Variants in STS observed in about 807,000 individuals in gnomAD.
The protein encoded by STS is steroid sulfatase.
A neutral mutation model predicts 26.8 loss-of-function variants in STS; 7 were observed. That is an observed-to-expected ratio of 0.26 (90% confidence interval 0.15 to 0.49). The LOEUF is 0.49. Among genes scored for constraint, STS ranks in the 20% least tolerant of loss-of-function variants. The pLI, the probability that STS is intolerant of heterozygous loss-of-function variation, is 0.98. For missense variants in STS, 434 were observed against 465.6 expected, an observed-to-expected ratio of 0.93 and a Z score of 0.63; for synonymous variants, 199 against 189.4, an observed-to-expected ratio of 1.05 and a Z score of -0.42.
At chrX:7,347,741 G>A (rs1479295573) in intron 10 of STS, among the ~76,000 whole-genome samples, 4 of 111,883 alleles carry the variant, frequency 3.6e-5, no homozygotes, top group Non-Finnish European at 7.5e-5. Context: ...GCATGAGCAA[G>A]AGAGGCTTCC....
intron 1 of STS, among the ~76,000 whole-genome samples, chrX:7,163,367 G>T (rs1475315510): frequency 5.3e-5 from 6 of 112,794 alleles, no homozygotes; most frequent in Non-Finnish European, 1.1e-4. Flanking sequence ...CACAGAAGAG[G>T]TGTGGAGATC....
chrX:7,299,417 T>G (rs1601724350), intron 7 of STS, among the ~76,000 whole-genome samples: 1 of 102,677 alleles, frequency 9.7e-6, no homozygotes, highest in Non-Finnish European at 1.9e-5. Flanking sequence ...ATATATAATT[T>G]TATATATGTG....
chrX:7,195,187 G>A (rs1403127423), intron 2 of STS, among the ~76,000 whole-genome samples: 2 of 111,956 alleles, frequency 1.8e-5, no homozygotes, highest in South Asian at 3.7e-4. Flanking sequence ...TATTCAGCAC[G>A]TGGGAGATTT....
At chrX:7,207,920 C>G (rs1213474083) in intron 2 of STS, among the ~76,000 whole-genome samples, 2 of 111,752 alleles carry the variant, frequency 1.8e-5, no homozygotes, top group Non-Finnish European at 3.8e-5. Context: ...CTGTTGTACT[C>G]TGCTTTAGGA....
At chrX:7,256,369 G>A (rs1923408640) in intron 3 of STS, among the ~76,000 whole-genome samples, 1 of 111,905 alleles carries the variant, frequency 8.9e-6, no homozygotes. Context: ...GGTATGTGGG[G>A]GTCGCAGCAT....
chrX:7,228,935 G>A (rs1904904660), intron 2 of STS, among the ~76,000 whole-genome samples: 1 of 111,807 alleles, frequency 8.9e-6, no homozygotes, highest in Non-Finnish European at 1.9e-5. Flanking sequence ...CATCTATTTT[G>A]TTTTATAGCT....
intron 2 of STS, among the ~76,000 whole-genome samples, chrX:7,237,525 G>A (rs1274932598): frequency 8.9e-6 from 1 of 112,066 alleles, no homozygotes; most frequent in East Asian, 2.8e-4. Context: ...TAACAATATT[G>A]CAAGAATAAT....
intron 6 of STS, among the ~76,000 whole-genome samples, chrX:7,264,436 C>G (rs757707943): frequency 2.8e-4 from 31 of 112,654 alleles, no homozygotes; most frequent in Non-Finnish European, 4.5e-4. Context: ...TGACCACCTG[C>G]CTCCTGGGCA....
chrX:7,168,157 A>G (rs1298814455), intron 1 of STS, among the ~76,000 whole-genome samples: 4 of 111,332 alleles, frequency 3.6e-5, no homozygotes, highest in Non-Finnish European at 7.5e-5. Context: ...CAACAATACA[A>G]AGTTGTGAGT....
Position 7,319,966 on chromosome X carries a change from TTTTATATATATGTATATATA to T in STS, c.1082-5361_1082-5342del, listed in dbSNP as rs1264271897. Among the ~76,000 whole-genome samples, 6 of 90,712 alleles carry T rather than the reference TTTTATATATATGTATATATA, an allele frequency of 6.6e-5. No homozygotes were observed. In the South Asian group the frequency reaches 1.7e-3, roughly 26 times the overall value. The allele number at this position is 90,712 out of a possible 115,157, so 78.8% of individuals were successfully genotyped here. A position where few individuals can be genotyped will look rare whatever the true frequency, so the allele number is the denominator to read the frequency against. ...TTTTATATGTATATTTATATATATA[TTTTATATATATGTATATATA>T]TTTATATATATATTTTTATATATAT... On this transcript the variant is annotated intron_variant, in intron 8 of 10. Transcript: ENST00000674429.
At chrX:7,211,574 G>A (rs1987078) in intron 2 of STS, among the ~76,000 whole-genome samples, 39,824 of 110,835 alleles carry the variant, frequency 0.36, 5,287 homozygotes, top group East Asian at 0.4. Flanking sequence ...CTACTCCCAC[G>A]AATTTTTCTG....
chrX:7,255,563 A>G (rs1350974023), intron 3 of STS, among the ~76,000 whole-genome samples: 1 of 112,050 alleles, frequency 8.9e-6, no homozygotes, highest in Non-Finnish European at 1.9e-5. Context: ...CCATGGAAGA[A>G]TTCATGGCAA....
At chrX:7,338,810 C>T (rs1285573086) in intron 10 of STS, among the ~76,000 whole-genome samples, 1 of 111,941 alleles carries the variant, frequency 8.9e-6, no homozygotes, top group East Asian at 2.8e-4. Context: ...CCCAATTTCC[C>T]TGATTTGGTT....
chrX:7,256,523 G>A (rs1390521522), intron 3 of STS, among the ~76,000 whole-genome samples: 3 of 111,581 alleles, frequency 2.7e-5, no homozygotes, highest in African/African-American at 9.8e-5. Flanking sequence ...CATTAAAGCT[G>A]GTTGTGGGAT....
At chrX:7,211,121 G>A (rs1476195041) in intron 2 of STS, among the ~76,000 whole-genome samples, 2 of 111,735 alleles carry the variant, frequency 1.8e-5, no homozygotes, top group African/African-American at 6.5e-5. Flanking sequence ...GTGAAACTTT[G>A]TATCCTTAGA....
rs186220231 is a variant in STS at position 7,337,458 on chromosome X, T to C, written c.1363+3351T>C. Among the ~76,000 whole-genome samples, 43 of 112,161 alleles carry C rather than the reference T, an allele frequency of 3.8e-4. 1 individual carries two copies. In the East Asian group the frequency reaches 5.1e-3, roughly 13 times the overall value. ...CTGGGGAAGACAGATCTTAAACTAG[T>C]AATAGTTGAGTGTGACTGCATAGGT... On this transcript the variant is annotated intron_variant, in intron 10 of 10. Coordinates refer to ENST00000674429, the MANE Select transcript of STS (RefSeq NM_001320752.2).
intron 1 of STS, among the ~76,000 whole-genome samples, chrX:7,159,953 A>G (rs1933209371): frequency 8.9e-6 from 1 of 112,274 alleles, no homozygotes; most frequent in East Asian, 2.8e-4. Flanking sequence ...TACTTGTCCA[A>G]TGTGATGGTA....
At chrX:7,341,864 A>G (rs1475403872) in intron 10 of STS, among the ~76,000 whole-genome samples, 6 of 108,572 alleles carry the variant, frequency 5.5e-5, no homozygotes, top group Admixed American at 4.0e-4. Flanking sequence ...CCAGGCTGAC[A>G]TGCAATGGCA....
chrX:7,332,214 C>T (rs1373006016), intron 9 of STS, among the ~76,000 whole-genome samples: 1 of 109,372 alleles, frequency 9.1e-6, no homozygotes, highest in Non-Finnish European at 1.9e-5. Context: ...ACCTGTAGTC[C>T]CATGTACTTG....
Sources: allele counts gnomAD v4.1 joint callset (sites outside exome capture counted in the v4.1 genomes callset), GRCh38; gene constraint gnomAD v4.1.1; transcripts MANE v1.5; gene names NCBI Gene and HGNC (gene_info 2026-07-23, HGNC 2026-07-21).